Variants in CCND3 observed in about 807,000 individuals in gnomAD.
CCND3 encodes cyclin D3.
Under a neutral mutation model 28.7 loss-of-function variants are expected in CCND3, and 9 were observed. The observed-to-expected ratio is 0.31, with a 90% CI of 0.19 to 0.55. The LOEUF is 0.55. Among genes scored for constraint, CCND3 ranks in the 20% least tolerant of loss-of-function variants. CCND3 has a pLI of 0.93. For synonymous variants in CCND3, 164 were observed against 163.9 expected (o/e 1.00, Z 0.00); for missense variants, 315 against 385.8 (o/e 0.82, Z 1.54).
At chr6:42,002,222 G>A (rs570422465) in intron 1 of CCND3, among the ~76,000 whole-genome samples, 2 of 152,116 alleles carry the variant, frequency 1.3e-5, no homozygotes, top group South Asian at 4.1e-4. Context: ...GAGGTGGGCG[G>A]ATCACTTGAG....
chr6:41,963,395 C>G (rs1761773560), intron 1 of CCND3, among the ~76,000 whole-genome samples: 1 of 152,224 alleles, frequency 6.6e-6, no homozygotes, highest in Admixed American at 6.5e-5. Context: ...GGGAATTTGC[C>G]TTGGCCAAGT....
At chr6:41,994,796 G>A (rs1009524107) in intron 1 of CCND3, among the ~76,000 whole-genome samples, 2 of 152,048 alleles carry the variant, frequency 1.3e-5, no homozygotes, top group Admixed American at 6.6e-5. Context: ...AATATAGGCC[G>A]GGCGCGGTGG....
chr6:42,005,719 C>T (rs760567185), intron 1 of CCND3, among the ~76,000 whole-genome samples: 1 of 151,634 alleles, frequency 6.6e-6, no homozygotes, highest in Non-Finnish European at 1.5e-5. Context: ...GAGTTTTGCT[C>T]GTTGCCCAGG....
chr6:41,958,221 T>C (rs1776487910), intron 1 of CCND3, among the ~76,000 whole-genome samples: 1 of 152,068 alleles, frequency 6.6e-6, no homozygotes, highest in African/African-American at 2.4e-5. Context: ...GGTCTTGAAC[T>C]CCTGACTCCA....
chr6:41,982,881 C>CAA (rs56117421), intron 1 of CCND3, among the ~76,000 whole-genome samples: 1 of 94,424 alleles, frequency 1.1e-5, no homozygotes, highest in African/African-American at 3.8e-5. Context: ...CATCCACATG[C>CAA]AAAAAAAAAA....
chr6:41,991,643 A>C lies in CCND3; in HGVS notation c.-45-51058T>G, dbSNP rs188375644. Among the ~76,000 whole-genome samples the C allele has an allele frequency of 2.9e-3, 436 of 152,242 alleles. 2 individuals carry two copies. Among genetic ancestry groups the C allele is most frequent in the African/African-American group, 0.01 (418 of 41,544 alleles). On this transcript the variant is annotated intron_variant, in intron 1 of 4. Coordinates refer to the CCND3 transcript ENST00000372988. Reference sequence around the variant, plus strand: ...CTAGCTGTTTGAAACTATTATTATTATTCTTAACTGTAGTCATTCCAACAG... The same window carrying C: ...CTAGCTGTTTGAAACTATTATTATTCTTCTTAACTGTAGTCATTCCAACAG...
At position 42,014,730 on chromosome 6, in the gene CCND3, T is replaced by C. The variant is rs543048677; in HGVS notation, c.-46+33771A>G. On this transcript the variant is annotated intron_variant, in intron 1 of 4. Transcript: ENST00000372988. ...CTGAGCCCCGAAGTTTGAGGCTTCA[T>C]TGAGCTATGATCAAGCCACTGCACT... Among the ~76,000 whole-genome samples the C allele has an allele frequency of 7.9e-5, 12 of 151,768 alleles. No individual in the cohort carries two copies. In the East Asian group the frequency reaches 1.6e-3, roughly 20 times the overall value.
At chr6:41,980,603 TC>T (rs1194411280) in intron 1 of CCND3, among the ~76,000 whole-genome samples, 1 of 152,074 alleles carries the variant, frequency 6.6e-6, no homozygotes, top group Non-Finnish European at 1.5e-5. Context: ...GACCAATATC[TC>T]CTATAAACAC....
chr6:42,012,910 C>T (rs918199366), intron 1 of CCND3, among the ~76,000 whole-genome samples: 11 of 152,192 alleles, frequency 7.2e-5, no homozygotes, highest in African/African-American at 2.2e-4. Context: ...GTCACCCCCT[C>T]TCACAGCCTG....
At chr6:42,030,787 C>T (rs886128649) in intron 1 of CCND3, among the ~76,000 whole-genome samples, 8 of 152,150 alleles carry the variant, frequency 5.3e-5, no homozygotes, top group Non-Finnish European at 8.8e-5. Flanking sequence ...AGTACTCACT[C>T]CTTCCAGACA....
At chr6:41,968,949 G>A (rs528780158) in intron 1 of CCND3, among the ~76,000 whole-genome samples, 19 of 152,090 alleles carry the variant, frequency 1.2e-4, no homozygotes, top group African/African-American at 4.6e-4. Context: ...GGGATTACAA[G>A]GGTGCCCAGC....
At chr6:41,977,260 T>C (rs1405281232) in intron 1 of CCND3, among the ~76,000 whole-genome samples, 2 of 152,164 alleles carry the variant, frequency 1.3e-5, no homozygotes, top group African/African-American at 4.8e-5. Flanking sequence ...TGTTGCCAAG[T>C]AAGGTTATGA....
At chr6:41,971,941 TC>T (rs1402001902) in intron 1 of CCND3, among the ~76,000 whole-genome samples, 4 of 149,302 alleles carry the variant, frequency 2.7e-5, no homozygotes, top group Non-Finnish European at 5.9e-5. Context: ...AAGAGATACT[TC>T]CGGCCGGGCG....
At chr6:42,014,858 C>A (rs985661552) in intron 1 of CCND3, among the ~76,000 whole-genome samples, 3 of 152,156 alleles carry the variant, frequency 2.0e-5, no homozygotes, top group African/African-American at 7.2e-5. Flanking sequence ...TTTTCAAAAT[C>A]TCTTATTATA....
intron 1 of CCND3, among the ~76,000 whole-genome samples, chr6:41,972,240 A>AAAAAAAAAAAAAGAAAAGAAAAG (rs1554162050): frequency 1.0e-5 from 1 of 99,738 alleles, no homozygotes; most frequent in Non-Finnish European, 2.0e-5. Context: ...AAAAAAAAAA[A>AAAAAAAAAAAAAGAAAAGAAAAG]AAAAGAAAAG....
In CCND3 at chr6:41,936,746, G is replaced by A. The variant is rs371312796; in HGVS notation, c.575-51C>T. ...GAGAGAAGGAAACCTGAAGGATAAC[G>A]GCCAGCATGGACTTCCGACTCCTTG... is the stretch of plus-strand genomic sequence containing the variant. On this transcript the variant is annotated intron_variant, in intron 3 of 4. Transcript: ENST00000372991. The surrounding 1 kb of genome is among the most constrained non-coding windows in gnomAD (Gnocchi z 4.4). 4.2e-5 allele frequency: 67 copies of A among 1,585,364 alleles called. No homozygotes were observed. The highest frequency in any genetic ancestry group is 1.7e-4 in the Middle Eastern group (1 of 5,956).
chr6:42,013,514 A>G (rs1763399986), intron 1 of CCND3, among the ~76,000 whole-genome samples: 2 of 152,218 alleles, frequency 1.3e-5, no homozygotes, highest in African/African-American at 4.8e-5. Flanking sequence ...CAATAAATAC[A>G]TGTTGAGCAA....
intron 1 of CCND3, among the ~76,000 whole-genome samples, chr6:41,950,270 T>C (rs898942438): frequency 2.0e-5 from 3 of 152,102 alleles, no homozygotes; most frequent in Non-Finnish European, 4.4e-5. Context: ...GGTAACCTGC[T>C]ACAGCAATAT....
At chr6:41,992,305 G>A (rs889507115) in intron 1 of CCND3, among the ~76,000 whole-genome samples, 1 of 151,960 alleles carries the variant, frequency 6.6e-6, no homozygotes, top group African/African-American at 2.4e-5. Flanking sequence ...TGGGATTACA[G>A]GTGCCTGCCA....
Sources: allele counts gnomAD v4.1 joint callset (sites outside exome capture counted in the v4.1 genomes callset), GRCh38; gene constraint gnomAD v4.1.1; non-coding constraint Gnocchi (gnomAD v3.1); transcripts MANE v1.5; gene names NCBI Gene and HGNC (gene_info 2026-07-23, HGNC 2026-07-21).